The following GULP1 variants were observed in gnomAD, a reference collection of about 807,000 sequenced individuals.
The protein encoded by GULP1 is PTB domain-containing engulfment adapter protein 1.
GULP1 carries 19 observed loss-of-function variants against 40.9 expected under a neutral mutation model. The ratio of observed to expected loss-of-function variants is 0.46; its 90% CI spans 0.32 to 0.68. The LOEUF (loss-of-function observed/expected upper bound fraction) is 0.68. Ranked by LOEUF, GULP1 falls within the 30% of genes least tolerant of loss-of-function variation. The probability of loss-of-function intolerance (pLI) is 0.03; values close to 1 mark genes in which losing one functional copy is unlikely to be tolerated. For synonymous variants in GULP1, 119 were observed against 117.6 expected, an observed-to-expected ratio of 1.01 and a Z score of -0.08; for missense variants, 312 against 362.2, an observed-to-expected ratio of 0.86 and a Z score of 1.12.
At chr2:188,324,792 A>G (rs1193754394) in intron 1 of GULP1, among the ~76,000 whole-genome samples, 1 of 152,022 alleles carries the variant, frequency 6.6e-6, no homozygotes, top group Non-Finnish European at 1.5e-5. Flanking sequence ...AAATAAAGAT[A>G]AATCTAAATA....
At chr2:188,321,993 C>T (rs564010978) in intron 1 of GULP1, among the ~76,000 whole-genome samples, 1 of 151,744 alleles carries the variant, frequency 6.6e-6, no homozygotes, top group African/African-American at 2.4e-5. Flanking sequence ...CCATTGCACT[C>T]CAGCCTGGAC....
intron 11 of GULP1, chr2:188,592,824 G>GTAGATATA (rs1248005277): frequency 6.6e-6 from 1 of 152,028 alleles, no homozygotes; most frequent in Non-Finnish European, 1.5e-5. Flanking sequence ...TAACATACAA[G>GTAGATATA]TAGATATAGT....
intron 1 of GULP1, among the ~76,000 whole-genome samples, chr2:188,367,801 C>T (rs1446177850): frequency 1.3e-5 from 2 of 152,078 alleles, no homozygotes; most frequent in Non-Finnish European, 2.9e-5. Context: ...TGCAACCTGT[C>T]AGAAGAGTGA....
At chr2:188,516,994 TTCCACCAGTTCTA>T in intron 4 of GULP1, among the ~76,000 whole-genome samples, 1 of 152,318 alleles carries the variant, frequency 6.6e-6, no homozygotes, top group East Asian at 1.9e-4. Context: ...ATACTCTGAC[TTCCACCAGTTCTA>T]AGTAGCATAT....
At chr2:188,517,092 T>G (rs1184755483) in intron 4 of GULP1, among the ~76,000 whole-genome samples, 1 of 152,182 alleles carries the variant, frequency 6.6e-6, no homozygotes, top group African/African-American at 2.4e-5. Context: ...GGAAATTTGT[T>G]TTTTCAGTGC....
intron 2 of GULP1, among the ~76,000 whole-genome samples, chr2:188,422,971 A>C (rs976331758): frequency 1.3e-5 from 2 of 152,032 alleles, no homozygotes; most frequent in Non-Finnish European, 2.9e-5. Flanking sequence ...TGACCTGTAG[A>C]CTGAGAAGCA....
intron 2 of GULP1, among the ~76,000 whole-genome samples, chr2:188,443,457 A>G (rs2058106570): frequency 6.6e-6 from 1 of 152,166 alleles, no homozygotes; most frequent in Non-Finnish European, 1.5e-5. Flanking sequence ...AACATTCAAC[A>G]CAATGGCTAC....
intron 2 of GULP1, among the ~76,000 whole-genome samples, chr2:188,430,324 T>C (rs1025447962): frequency 6.6e-6 from 1 of 152,214 alleles, no homozygotes; most frequent in Non-Finnish European, 1.5e-5. Flanking sequence ...ACAGGAATTG[T>C]TGCAAAATCT....
At chr2:188,576,794 G>T (rs1354903) in intron 9 of GULP1, among the ~76,000 whole-genome samples, 24,540 of 151,932 alleles carry the variant, frequency 0.16, 2,358 homozygotes, top group Middle Eastern at 0.27. Flanking sequence ...ACTTGACTGT[G>T]CTGTTTGCTT....
chr2:188,578,227 GTTA>G (rs1462625968), intron 9 of GULP1, among the ~76,000 whole-genome samples: 1 of 151,924 alleles, frequency 6.6e-6, no homozygotes, highest in Non-Finnish European at 1.5e-5. Flanking sequence ...CAGTGTTTCT[GTTA>G]TTATTGTTTA....
intron 4 of GULP1, among the ~76,000 whole-genome samples, chr2:188,503,400 CT>C (rs577546155): frequency 5.4e-4 from 82 of 151,734 alleles, no homozygotes; most frequent in African/African-American, 1.9e-3. Context: ...CAAGCACCTT[CT>C]TCAGAAGGTG....
At position 188,440,832 on chromosome 2, in the gene GULP1, G is replaced by T. The variant is rs530799196; in HGVS notation, c.-44-36827G>T. On this transcript the variant is annotated intron_variant, in intron 2 of 11. Transcript: ENST00000409830. ...GTGGAATATTTTTGGTAGAAAAAAAGATAAGATTCCACTTGTATATTGGGA... is the reference window on the plus strand; with the variant it reads ...GTGGAATATTTTTGGTAGAAAAAAATATAAGATTCCACTTGTATATTGGGA... Among the ~76,000 whole-genome samples, 33 of 152,284 alleles carry T rather than the reference G, an allele frequency of 2.2e-4. 1 individual carries two copies. Among genetic ancestry groups the T allele is most frequent in the African/African-American group, 7.9e-4 (33 of 41,556 alleles).
At chr2:188,307,936 A>C (rs60685566) in intron 1 of GULP1, among the ~76,000 whole-genome samples, 1 of 152,212 alleles carries the variant, frequency 6.6e-6, no homozygotes, top group Non-Finnish European at 1.5e-5. Flanking sequence ...TAAGAGAAAC[A>C]TTAATCATTT....
At chr2:188,436,089 A>G (rs2057380307) in intron 2 of GULP1, among the ~76,000 whole-genome samples, 1 of 152,098 alleles carries the variant, frequency 6.6e-6, no homozygotes, top group Non-Finnish European at 1.5e-5. Context: ...CATTATATGC[A>G]TAGGTCCTTC....
chr2:188,367,152 A>G (rs73978228), intron 1 of GULP1, among the ~76,000 whole-genome samples: 82 of 152,354 alleles, frequency 5.4e-4, no homozygotes, highest in African/African-American at 1.9e-3. Context: ...TCACTACCAT[A>G]GAGACATTAT....
intron 2 of GULP1, among the ~76,000 whole-genome samples, chr2:188,461,443 C>T (rs1404915534): frequency 1.3e-5 from 2 of 151,552 alleles, no homozygotes; most frequent in East Asian, 3.9e-4. Flanking sequence ...ACCTCAGCCT[C>T]CCGAGTAGCT....
intron 2 of GULP1, among the ~76,000 whole-genome samples, chr2:188,418,860 G>A (rs1425732654): frequency 1.3e-5 from 2 of 152,010 alleles, no homozygotes; most frequent in Non-Finnish European, 2.9e-5. Flanking sequence ...CTTTATTCCC[G>A]TTGATTATTA....
chr2:188,487,657 C>CT (rs770985398), intron 4 of GULP1, among the ~76,000 whole-genome samples: 25 of 151,912 alleles, frequency 1.6e-4, no homozygotes, highest in Non-Finnish European at 3.7e-4. Flanking sequence ...CTTGCAAACC[C>CT]TTTCAAAACC....
intron 1 of GULP1, among the ~76,000 whole-genome samples, chr2:188,302,180 T>C (rs1182456306): frequency 6.6e-6 from 1 of 152,164 alleles, no homozygotes; most frequent in East Asian, 1.9e-4. Context: ...AAACTTATTA[T>C]TCAAATCACC....
Sources: allele counts gnomAD v4.1 joint callset (sites outside exome capture counted in the v4.1 genomes callset), GRCh38; gene constraint gnomAD v4.1.1; transcripts MANE v1.5; gene names NCBI Gene and HGNC (gene_info 2026-07-23, HGNC 2026-07-21).